KCNH5: variants seen among roughly 807,000 people sequenced by gnomAD.
The protein encoded by KCNH5 is potassium voltage-gated channel subfamily H member 5, also known as voltage-gated delayed rectifier potassium channel KCNH5.
In KCNH5, 46 loss-of-function variants were observed where a neutral mutation model predicts 96.1. The ratio of observed to expected loss-of-function variants is 0.48; its 90% CI spans 0.38 to 0.61. The LOEUF is 0.61. Among genes scored for constraint, KCNH5 ranks in the 20% least tolerant of loss-of-function variants. The pLI is 0.00. For synonymous variants in KCNH5, 439 were observed against 449.8 expected (o/e 0.98, Z 0.30); for missense variants, 907 against 1,225.8 (o/e 0.74, Z 3.88).
At chr14:63,009,252 G>T (rs1420915611) in intron 2 of KCNH5, among the ~76,000 whole-genome samples, 1 of 152,076 alleles carries the variant, frequency 6.6e-6, no homozygotes, top group African/African-American at 2.4e-5. Context: ...CTCTTTGAGG[G>T]ATTGGTTTAA....
chr14:62,984,198 T>C (rs1434545934), intron 5 of KCNH5, among the ~76,000 whole-genome samples: 1 of 152,180 alleles, frequency 6.6e-6, no homozygotes, highest in East Asian at 1.9e-4. Flanking sequence ...TTTGTACCAA[T>C]ACAGACACAT....
At position 62,877,216 on chromosome 14, in the gene KCNH5, C is replaced by T. The variant is rs541514316; in HGVS notation, c.1370-27364G>A. ...ATTCAAGATGGATTAAAGACTTAAA[C>T]GTTAGACCTAAAACCATAAAAACCC... On this transcript the variant is annotated intron_variant, in intron 7 of 10. Transcript: ENST00000322893. Among the ~76,000 whole-genome samples the T allele has an allele frequency of 2.0e-4, 31 of 151,608 alleles. No individual in the cohort carries two copies. The East Asian group carries it at 4.7e-3, about 23-fold the overall frequency.
chr14:62,891,393 T>C (rs1888708211), intron 7 of KCNH5, among the ~76,000 whole-genome samples: 1 of 152,064 alleles, frequency 6.6e-6, no homozygotes, highest in African/African-American at 2.4e-5. Flanking sequence ...CAGCAGACAC[T>C]GGGGTCTACT....
intron 7 of KCNH5, among the ~76,000 whole-genome samples, chr14:62,913,127 A>C (rs1280021169): frequency 2.0e-5 from 3 of 152,272 alleles, no homozygotes; most frequent in Non-Finnish European, 4.4e-5. Context: ...AGATTAATGA[A>C]GCTGCAGAAT....
At chr14:62,911,225 C>A (rs1309533776) in intron 7 of KCNH5, among the ~76,000 whole-genome samples, 2 of 151,096 alleles carry the variant, frequency 1.3e-5, no homozygotes, top group South Asian at 4.2e-4. Flanking sequence ...GTATAAACAA[C>A]ATAATGATCT....
intron 1 of KCNH5, among the ~76,000 whole-genome samples, chr14:63,042,688 T>C (rs1025440203): frequency 6.6e-6 from 1 of 152,178 alleles, no homozygotes; most frequent in Non-Finnish European, 1.5e-5. Flanking sequence ...TTAGTCTCAA[T>C]TAAACAATTT....
intron 8 of KCNH5, among the ~76,000 whole-genome samples, chr14:62,828,545 T>TAAGC (rs1237578412): frequency 6.6e-6 from 1 of 152,082 alleles, no homozygotes; most frequent in Non-Finnish European, 1.5e-5. Flanking sequence ...GGCAGGCAAG[T>TAAGC]AAGCAAGCAA....
intron 10 of KCNH5, among the ~76,000 whole-genome samples, chr14:62,759,791 T>C (rs1280403446): frequency 6.6e-6 from 1 of 152,114 alleles, no homozygotes; most frequent in Non-Finnish European, 1.5e-5. Flanking sequence ...CAACAGAGAT[T>C]TTTCAGCTTT....
intron 7 of KCNH5, among the ~76,000 whole-genome samples, chr14:62,936,011 C>T (rs542368746): frequency 2.1e-4 from 32 of 152,032 alleles, no homozygotes; most frequent in Non-Finnish European, 3.2e-4. Flanking sequence ...GCAAAACAAA[C>T]AGAGAAGAAA....
chr14:62,998,691 T>C (rs754959367), intron 4 of KCNH5, among the ~76,000 whole-genome samples: 1 of 152,240 alleles, frequency 6.6e-6, no homozygotes, highest in Admixed American at 6.5e-5. Flanking sequence ...TTCTAACTTA[T>C]CTTAAGGCTG....
At chr14:62,821,116 GA>G (rs575609040) in intron 8 of KCNH5, among the ~76,000 whole-genome samples, 44 of 126,450 alleles carry the variant, frequency 3.5e-4, no homozygotes, top group African/African-American at 6.2e-4. Flanking sequence ...AAATTTGCAA[GA>G]AAAAAAAAAC....
intron 4 of KCNH5, among the ~76,000 whole-genome samples, chr14:62,994,420 G>C (rs1252712421): frequency 6.6e-6 from 1 of 151,966 alleles, no homozygotes; most frequent in African/African-American, 2.4e-5. Context: ...ATCTCTTTTA[G>C]AACACATATG....
chr14:62,852,764 C>G (rs1887833004), intron 7 of KCNH5, among the ~76,000 whole-genome samples: 1 of 152,072 alleles, frequency 6.6e-6, no homozygotes, highest in Non-Finnish European at 1.5e-5. Context: ...GAATACATTT[C>G]AAAAGAGATA....
intron 9 of KCNH5, among the ~76,000 whole-genome samples, chr14:62,780,983 T>G (rs2139976835): frequency 6.6e-6 from 1 of 152,212 alleles, no homozygotes; most frequent in Middle Eastern, 3.4e-3. Flanking sequence ...GCTGTCATCA[T>G]GCAGATTAAA....
chr14:62,853,462 T>TATATATATATATATATATC lies in KCNH5; in HGVS notation c.1370-3629_1370-3611dup, dbSNP rs1555360149. Among the ~76,000 whole-genome samples the TATATATATATATATATATC allele has an allele frequency of 2.2e-3, 263 of 121,116 alleles. 7 individuals are homozygous for TATATATATATATATATATC. The highest frequency in any genetic ancestry group is 7.9e-3 in the African/African-American group (250 of 31,526). The allele number at this position is 121,116 out of a possible 152,430, so 79.5% of individuals were successfully genotyped here. On this transcript the variant is annotated intron_variant, in intron 7 of 10. Transcript: ENST00000322893. ...CCCAAACAAAAAGAATAATCATATA[T>TATATATATATATATATATC]ATATATATATATATATATCATATAT...
At chr14:62,994,009 G>A (rs531253610) in intron 4 of KCNH5, among the ~76,000 whole-genome samples, 50 of 152,096 alleles carry the variant, frequency 3.3e-4, no homozygotes, top group Middle Eastern at 3.4e-3. Context: ...GCTCTATTGG[G>A]TTGCAATTAA....
At chr14:62,791,538 T>C (rs1330303619) in intron 9 of KCNH5, among the ~76,000 whole-genome samples, 2 of 151,636 alleles carry the variant, frequency 1.3e-5, no homozygotes, top group Non-Finnish European at 3.0e-5. Flanking sequence ...AAGAACTATT[T>C]TAGATTTAAG....
chr14:62,940,336 A>G (rs1289727353), intron 7 of KCNH5, among the ~76,000 whole-genome samples: 1 of 152,138 alleles, frequency 6.6e-6, no homozygotes, highest in African/African-American at 2.4e-5. Flanking sequence ...AGAAAAAAAA[A>G]AAGTTTGCCA....
At position 62,779,944 on chromosome 14, in the gene KCNH5, A is replaced by G. The variant is rs371199112; in HGVS notation, c.1823-20T>C. The stretch of plus-strand genomic sequence containing the variant: ...CCTTCCCTAGAAAACAGTATAAGAT[A>G]CATATTCAAGTATCTAACACTGTTC... On this transcript the variant is annotated intron_variant, in intron 9 of 10. Coordinates refer to ENST00000322893, the MANE Select transcript of KCNH5 (RefSeq NM_139318.5). 4.4e-6 allele frequency: 7 copies of G among 1,590,104 alleles called. No homozygotes were observed. The highest frequency in any genetic ancestry group is 6.0e-6 in the Non-Finnish European group (7 of 1,164,796).
Sources: allele counts gnomAD v4.1 joint callset (sites outside exome capture counted in the v4.1 genomes callset), GRCh38; gene constraint gnomAD v4.1.1; transcripts MANE v1.5; gene names NCBI Gene and HGNC (gene_info 2026-07-23, HGNC 2026-07-21).